Variants in IRS1 observed in about 807,000 individuals in gnomAD.
The protein encoded by IRS1 is insulin receptor substrate 1.
In IRS1, 34 loss-of-function variants were observed where a neutral mutation model predicts 65.6. That is an observed-to-expected ratio of 0.52 (90% CI 0.39 to 0.69). The LOEUF is 0.69. Among genes scored for constraint, IRS1 ranks in the 30% least tolerant of loss-of-function variants. IRS1 has a pLI of 0.00. For synonymous variants in IRS1, 699 were observed against 683.5 expected (o/e 1.02, Z -0.35); for missense variants, 1,641 against 1,720.2 (o/e 0.95, Z 0.81).
At chr2:226,769,517 A>T (rs570820600) in intron 1 of IRS1, among the ~76,000 whole-genome samples, 1 of 152,338 alleles carries the variant, frequency 6.6e-6, no homozygotes, top group Non-Finnish European at 1.5e-5. Context: ...CCTTCCAGCC[A>T]ACCAGACATG....
At chr2:226,783,733 TAA>T (rs1939432386) in intron 1 of IRS1, among the ~76,000 whole-genome samples, 1 of 149,556 alleles carries the variant, frequency 6.7e-6, no homozygotes, top group African/African-American at 2.5e-5. Context: ...GGTATCACAG[TAA>T]GTCAAAAAAT....
chr2:226,798,626 G>T lies in IRS1; in HGVS notation c.113C>A (p.Ala38Asp). ...RFFVLRAASEAGGPARLEYYE... is the reference protein window; with the variant it reads ...RFFVLRAASEDGGPARLEYYE... ...GTACTCGAGGCGCGCCGGGCCCCCA[G>T]CCTCGCTGGCCGCGCGCAGTACGAA... The change falls in exon 1 of 2, where the codon GCT becomes GAT. Residue 38 changes from alanine to aspartate, a missense_variant. This residue lies in a region of IRS1 where 240 missense variants were observed against 229.6 expected (regional missense o/e 1.05). Coordinates refer to ENST00000305123, the MANE Select transcript of IRS1 (RefSeq NM_005544.3). This position sits in a 1 kb window ranked among gnomAD's most constrained non-coding sequence, Gnocchi z 9.4. The T allele has an allele frequency of 1.2e-6, 2 of 1,613,048 alleles. No homozygotes were observed. The highest frequency in any genetic ancestry group is 2.2e-5 in the South Asian group (2 of 91,060).
intron 1 of IRS1, among the ~76,000 whole-genome samples, chr2:226,737,956 T>A (rs1220790252): frequency 6.6e-6 from 1 of 152,092 alleles, no homozygotes; most frequent in African/African-American, 2.4e-5. Context: ...CAGGGTGAGA[T>A]GGTAGCCGTG....
chr2:226,763,444 C>T (rs1938960816), intron 1 of IRS1, among the ~76,000 whole-genome samples: 1 of 151,930 alleles, frequency 6.6e-6, no homozygotes, highest in Admixed American at 6.6e-5. Flanking sequence ...TCATGCATGC[C>T]ACATCTCAGA....
At chr2:226,788,776 G>A (rs1238425333) in intron 1 of IRS1, among the ~76,000 whole-genome samples, 4 of 152,022 alleles carry the variant, frequency 2.6e-5, no homozygotes, top group Non-Finnish European at 4.4e-5. Context: ...TCATACTAAC[G>A]TTAAAATGTA....
chr2:226,736,575 G>A (rs1344930092), intron 1 of IRS1, among the ~76,000 whole-genome samples: 2 of 152,212 alleles, frequency 1.3e-5, no homozygotes, highest in Non-Finnish European at 2.9e-5. Context: ...TACATCATTA[G>A]TTGCTATGTA....
Position 226,783,809 on chromosome 2 carries a change from T to C in IRS1, c.*21+11180A>G, listed in dbSNP as rs138113054. 1.2e-4 allele frequency among the ~76,000 whole-genome samples: 19 copies of C among 152,308 alleles called. No homozygotes were observed. The East Asian group carries it at 3.7e-3, about 29-fold the overall frequency. On this transcript the variant is annotated intron_variant, in intron 1 of 1. Coordinates refer to ENST00000305123, the MANE Select transcript of IRS1 (RefSeq NM_005544.3). ...TGCTGGGTGTGGCTATGTGACTTGCTTTAGGCAATGGGATAGTAGCAAATG... is the reference window on the plus strand; with the variant it reads ...TGCTGGGTGTGGCTATGTGACTTGCCTTAGGCAATGGGATAGTAGCAAATG...
intron 1 of IRS1, among the ~76,000 whole-genome samples, chr2:226,790,403 T>C (rs1298129830): frequency 6.6e-6 from 1 of 152,184 alleles, no homozygotes; most frequent in East Asian, 1.9e-4. Flanking sequence ...CTGGAGATAG[T>C]ATTTATTGAG....
At chr2:226,782,017 G>C (rs1939392648) in intron 1 of IRS1, among the ~76,000 whole-genome samples, 1 of 151,888 alleles carries the variant, frequency 6.6e-6, no homozygotes, top group South Asian at 2.1e-4. Flanking sequence ...TTTTAAAAAT[G>C]TAATATTAAT....
In IRS1 at chr2:226,797,511, G is replaced by A. The variant is rs764990052; in HGVS notation, c.1228C>T (p.Arg410Trp). 3.7e-6 allele frequency: 6 copies of A among 1,612,862 alleles called. No homozygotes were observed. The highest frequency in any genetic ancestry group is 1.1e-5 in the South Asian group (1 of 91,012). Residue 410 changes from arginine (R) to tryptophan (W), a missense_variant, in exon 1 of 2, where the codon CGG becomes TGG. Physicochemically the swap from Arg to Trp is moderately radical, Grantham distance 101. This residue lies in a region of IRS1 where 1,324 missense variants were observed against 1,361.0 expected (regional missense o/e 0.97). Coordinates refer to ENST00000305123, the MANE Select transcript of IRS1 (RefSeq NM_005544.3). The surrounding 1 kb of genome is among the most constrained non-coding windows in gnomAD (Gnocchi z 8.1). ...HGSTSDCLFP[R>W]RSSASVSGSP... ...CCAGACACCGAAGCACTAGATCGCC[G>A]TGGGAAGAGACAATCCGAGGTGGAG...
At chr2:226,764,890 G>C (rs1053406999) in intron 1 of IRS1, among the ~76,000 whole-genome samples, 1 of 152,190 alleles carries the variant, frequency 6.6e-6, no homozygotes. Context: ...AAAGACAACA[G>C]TGTACATGTA....
In IRS1 at chr2:226,769,407, C is replaced by T. The variant is rs368360382; in HGVS notation, c.*21+25582G>A. 6.0e-4 allele frequency among the ~76,000 whole-genome samples: 91 copies of T among 152,248 alleles called. No homozygotes were observed. The East Asian group carries it at 0.011, about 18-fold the overall frequency. ...GAAACAGAAGCTGCTGCAAGACTGCCCGGAGTGTCTTCAGAAAGCAATTAG... is the reference window on the plus strand; with the variant it reads ...GAAACAGAAGCTGCTGCAAGACTGCTCGGAGTGTCTTCAGAAAGCAATTAG... On this transcript the variant is annotated intron_variant, in intron 1 of 1. Transcript: ENST00000305123.
At chr2:226,752,818 T>C (rs1487793580) in intron 1 of IRS1, among the ~76,000 whole-genome samples, 1 of 152,202 alleles carries the variant, frequency 6.6e-6, no homozygotes, top group East Asian at 1.9e-4. Flanking sequence ...ATGCGACCAC[T>C]GGACAGCAGG....
In IRS1 at chr2:226,796,326, C is replaced by T; in HGVS notation, c.2413G>A (p.Asp805Asn). The change falls in exon 1 of 2, where the codon GAT becomes AAT. Residue 805 changes from aspartate to asparagine, a missense_variant. Transcript: ENST00000305123. ...CTGCTGGTGGAAGAGGAAGAATCAT[C>T]TGCTGTTGCAGCATAGAGAAGGCGA... ...SGRLLYAATA[D>N]DSSSSTSSDS... 1.2e-6 allele frequency: 2 copies of T among 1,613,478 alleles called. No homozygotes were observed. The highest frequency in any genetic ancestry group is 1.6e-4 in the Middle Eastern group (1 of 6,062).
chr2:226,796,744 C>T lies in IRS1; in HGVS notation c.1995G>A (p.Met665Ile). ...QRVDPNGYMMMSPSGGCSPDI... is the reference protein window; with the variant it reads ...QRVDPNGYMMISPSGGCSPDI... ...CAGGAGAGCAGCCACCGCTGGGGGA[C>T]ATCATCATGTAGCCATTGGGGTCCA... Residue 665 changes from methionine to isoleucine, a missense_variant, in exon 1 of 2, where the codon ATG becomes ATA. By Grantham distance (10) the Met-to-Ile change is conservative. Coordinates refer to ENST00000305123, the MANE Select transcript of IRS1 (RefSeq NM_005544.3). The T allele has an allele frequency of 6.2e-7, 1 of 1,609,016 alleles. No homozygotes were observed. The highest frequency in any genetic ancestry group is 8.5e-7 in the Non-Finnish European group (1 of 1,176,972).
chr2:226,789,198 C>T (rs1482014638), intron 1 of IRS1, among the ~76,000 whole-genome samples: 1 of 152,226 alleles, frequency 6.6e-6, no homozygotes, highest in Middle Eastern at 3.2e-3. Flanking sequence ...TCAGCTAAGA[C>T]ACATATCTGA....
chr2:226,795,697 G>A lies in IRS1; in HGVS notation c.3042C>T (p.Asp1014=). The change falls in exon 1 of 2, where the codon GAC becomes GAT. Residue 1014 remains aspartate (D), a synonymous_variant. Coordinates refer to ENST00000305123, the MANE Select transcript of IRS1 (RefSeq NM_005544.3). ...TSPAAPVSYA[D]MRTGIAAEEV... is the part of the protein sequence containing the mutation. The stretch of plus-strand genomic sequence containing the variant: ...CCTCTGCAGCAATGCCTGTTCGCAT[G>A]TCAGCATAGCTTACAGGGGCAGCTG... 2 of 1,613,368 alleles carry A rather than the reference G, an allele frequency of 1.2e-6. No homozygotes were observed. Among genetic ancestry groups the A allele is most frequent in the South Asian group, 1.1e-5 (1 of 91,090 alleles).
At chr2:226,746,097 A>G (rs1334203360) in intron 1 of IRS1, among the ~76,000 whole-genome samples, 1 of 152,114 alleles carries the variant, frequency 6.6e-6, no homozygotes, top group Non-Finnish European at 1.5e-5. Context: ...TATCTACAGA[A>G]ACATCAGAAA....
chr2:226,771,832 T>G (rs973466361), intron 1 of IRS1, among the ~76,000 whole-genome samples: 1 of 152,142 alleles, frequency 6.6e-6, no homozygotes, highest in Admixed American at 6.5e-5. Flanking sequence ...TATATATAAT[T>G]AAATCCACAG....
Sources: gnomAD v4.1 joint callset for allele counts (sites outside exome capture counted in the v4.1 genomes callset) on GRCh38, gnomAD v4.1.1 for gene constraint, gnomAD v4.1.1 regional missense constraint, Gnocchi (gnomAD v3.1) non-coding constraint, MANE v1.5 for transcripts, NCBI Gene and HGNC (gene_info 2026-07-23, HGNC 2026-07-21) for gene names.